Variants in SMARCD1 observed in about 807,000 individuals in gnomAD.
SMARCD1 encodes the protein SWI/SNF-related matrix-associated actin-dependent regulator of chromatin subfamily D member 1.
SMARCD1 carries 16 observed loss-of-function variants against 70.8 expected under a neutral mutation model. The ratio of observed to expected loss-of-function variants is 0.23; its 90% CI spans 0.15 to 0.34. The LOEUF is 0.34. Among genes scored for constraint, SMARCD1 ranks in the 10% least tolerant of loss-of-function variants. SMARCD1 has a pLI of 1.00. For synonymous variants in SMARCD1, 249 were observed against 246.0 expected, an observed-to-expected ratio of 1.01 and a Z score of -0.11; for missense variants, 409 against 655.5, an observed-to-expected ratio of 0.62 and a Z score of 4.11.
intron 5 of SMARCD1, chr12:50,088,184 T>C: frequency 1.4e-6 from 1 of 689,684 alleles, no homozygotes; most frequent in Non-Finnish European, 2.6e-6. Context: ...GCTTATTGCC[T>C]GTGATTCATT....
chr12:50,089,154 TAGC>T (rs1377406473), intron 6 of SMARCD1: 8 of 152,468 alleles, frequency 5.2e-5, no homozygotes, highest in African/African-American at 1.9e-4. Context: ...AAGCCCATGT[TAGC>T]AACAGTATTC....
intron 5 of SMARCD1, among the ~76,000 whole-genome samples, chr12:50,087,939 C>T (rs1241615285): frequency 6.6e-6 from 1 of 152,128 alleles, no homozygotes; most frequent in Non-Finnish European, 1.5e-5. Context: ...GGAGCATCAG[C>T]TGACAGGTGA....
rs533394455 is a variant in SMARCD1, at chr12:50,086,496, G to GGTGGTGGTGGTGGTGGTGGTA, written c.366-120_366-119insGGTGGTGGTGGTGGTAGTGGT. 1,431 of 1,139,282 alleles carry GGTGGTGGTGGTGGTGGTGGTA rather than the reference G, an allele frequency of 1.3e-3. 12 individuals are homozygous for GGTGGTGGTGGTGGTGGTGGTA. The African/African-American group carries it at 0.02, about 16-fold the overall frequency. The allele number at this position is 1,139,282 out of a possible 1,614,324, so 70.6% of individuals were successfully genotyped here. A position where few individuals can be genotyped will look rare whatever the true frequency, so the allele number is the denominator to read the frequency against. On this transcript the variant is annotated intron_variant, in intron 2 of 12. Coordinates refer to ENST00000394963, the MANE Select transcript of SMARCD1 (RefSeq NM_003076.5). ...GAGAATGCTTGGTGGTGGTGGTGGT[G>GGTGGTGGTGGTGGTGGTGGTA]GTGGTAGTTCTTTGAGAGAAGCTTT... is the stretch of plus-strand genomic sequence containing the variant.
At chr12:50,086,479 T>TTGGTGGTGGTAGTGGTGGTGA in intron 2 of SMARCD1, 131 bp downstream of exon 2, 1 of 780,056 alleles carries the variant, frequency 1.3e-6, no homozygotes, top group East Asian at 2.8e-5. Context: ...TTGAGAATGC[T>TTGGTGGTGGTAGTGGTGGTGA]TGGTGGTGGT....
chr12:50,096,774 T>G (rs1592294437), intron 10 of SMARCD1, 76 bp from the exon 11 acceptor site: 3 of 1,412,934 alleles, frequency 2.1e-6, no homozygotes, highest in Non-Finnish European at 2.9e-6. Flanking sequence ...GCATGTGGAG[T>G]TGTCAGGCAC....
rs1950931716 is a variant in SMARCD1 at position 50,100,539 on chromosome 12, G to C, written c.*1539G>C. On this transcript the variant is annotated 3_prime_UTR_variant, in exon 13 of 13. Coordinates refer to ENST00000394963, the MANE Select transcript of SMARCD1 (RefSeq NM_003076.5). ...CAGTACTTCCCACAGTGTCCCTGTT[G>C]ATAACTGTTTTTATTAACTGAATTG... 1 of 152,640 alleles carries C rather than the reference G, an allele frequency of 6.6e-6. No individual in the cohort carries two copies. The highest frequency in any genetic ancestry group is 2.4e-5 in the African/African-American group (1 of 41,456). 9.5% of individuals were successfully genotyped at this position (152,640 alleles called of 1,614,324 possible).
At chr12:50,094,357 C>A in intron 9 of SMARCD1, 80 bp from the exon 10 acceptor site, 1 of 1,411,644 alleles carries the variant, frequency 7.1e-7, no homozygotes, top group Non-Finnish European at 9.7e-7. Context: ...TTCTCTTCAT[C>A]CTGGGTCATC....
intron 9 of SMARCD1, among the ~76,000 whole-genome samples, chr12:50,092,140 C>T (rs895477390): frequency 3.2e-4 from 48 of 151,632 alleles, no homozygotes; most frequent in Admixed American, 7.9e-4. Flanking sequence ...CTCAAAGCAG[C>T]GTGTCTCTGT....
At chr12:50,090,950 G>A (rs1480634869) in intron 9 of SMARCD1, among the ~76,000 whole-genome samples, 2 of 146,136 alleles carry the variant, frequency 1.4e-5, no homozygotes, top group Non-Finnish European at 3.0e-5. Flanking sequence ...TCAGCCTCCC[G>A]AGTAGCCGGG....
chr12:50,096,943 TG>T lies in SMARCD1; in HGVS notation c.1365del (p.Trp455CysfsTer12). The T allele has an allele frequency of 6.2e-7, 1 of 1,614,048 alleles. No individual in the cohort carries two copies. The highest frequency in any genetic ancestry group is 8.5e-7 in the Non-Finnish European group (1 of 1,179,940). On this transcript the variant is annotated frameshift_variant, in exon 11 of 13. Transcript: ENST00000394963. LOFTEE classifies it high-confidence loss of function. ...AGACCCTCAGGGTTTCATCAATGAC[TG>T]GCTTCAGTCCCAGTGCAGGGACCTC... ...ARDPQGFINDWLQSQCRDLKT... is the reference protein window; with the variant it reads ...ARDPQGFINDXLQSQCRDLKT...
intron 10 of SMARCD1, among the ~76,000 whole-genome samples, chr12:50,095,473 C>T (rs958687403): frequency 6.6e-6 from 1 of 152,112 alleles, no homozygotes; most frequent in Non-Finnish European, 1.5e-5. Flanking sequence ...ACTACAGGCA[C>T]CTGCCACTAC....
At position 50,099,393 on chromosome 12, in the gene SMARCD1, C is replaced by T. The variant is rs544534477; in HGVS notation, c.*393C>T. 6.6e-6 allele frequency: 3 copies of T among 456,980 alleles called. No homozygotes were observed. The highest frequency in any genetic ancestry group is 1.2e-5 in the Non-Finnish European group (3 of 260,116). The allele number at this position is 456,980 out of a possible 1,614,324, so 28.3% of individuals were successfully genotyped here. A position where few individuals can be genotyped will look rare whatever the true frequency, so the allele number is the denominator to read the frequency against. ...GACCCAGGAGTTGGGAGCTTTCGCTCCTTCTCCAAGACTCAGGCCTGTGGG... is the reference window on the plus strand; with the variant it reads ...GACCCAGGAGTTGGGAGCTTTCGCTTCTTCTCCAAGACTCAGGCCTGTGGG... On this transcript the variant is annotated 3_prime_UTR_variant, in exon 13 of 13. Coordinates refer to ENST00000394963, the MANE Select transcript of SMARCD1 (RefSeq NM_003076.5).
intron 10 of SMARCD1, among the ~76,000 whole-genome samples, chr12:50,096,286 G>A (rs1438495048): frequency 3.3e-5 from 5 of 152,184 alleles, no homozygotes; most frequent in Non-Finnish European, 7.3e-5. Context: ...ACTGGGAAGA[G>A]GGGAGGAGGA....
chr12:50,088,236 G>C (rs1950809532), intron 5 of SMARCD1: 1 of 701,818 alleles, frequency 1.4e-6, no homozygotes, highest in African/African-American at 1.7e-5. Flanking sequence ...AACTCGCTTA[G>C]TTATGTGCAA....
chr12:50,089,836 C>A, intron 6 of SMARCD1, 48 bp from the exon 7 acceptor site: 1 of 1,358,558 alleles, frequency 7.4e-7, no homozygotes, highest in Non-Finnish European at 1.1e-6. Context: ...CCCTCCCACC[C>A]CAGCTCTTCC....
chr12:50,087,336 G>A (rs776341986), intron 4 of SMARCD1, 27 bp from the exon 5 acceptor site: 39 of 1,611,162 alleles, frequency 2.4e-5, no homozygotes, highest in African/African-American at 4.0e-5. Flanking sequence ...GAAGCCCCAC[G>A]ATCAATCCTG....
In SMARCD1 at chr12:50,094,553, T is replaced by G; in HGVS notation, c.1250T>G (p.Ile417Ser). 2.5e-6 allele frequency: 4 copies of G among 1,614,114 alleles called. No homozygotes were observed. Among genetic ancestry groups the G allele is most frequent in the Non-Finnish European group, 3.4e-6 (4 of 1,180,000 alleles). Reference protein sequence around the residue: ...FLLSTASQQEIATLDNKIHET... With the variant: ...FLLSTASQQESATLDNKIHET... The stretch of plus-strand genomic sequence containing the variant: ...CTGTCCACTGCCAGCCAACAGGAGA[T>G]TGCTACTCTAGACAACAAGGTAGGG... The change falls in exon 10 of 13, where the codon ATT (isoleucine) becomes AGT (serine). Residue 417 changes from isoleucine to serine, a missense_variant. Transcript: ENST00000394963.
At chr12:50,095,862 A>C (rs914900058) in intron 10 of SMARCD1, among the ~76,000 whole-genome samples, 3 of 152,246 alleles carry the variant, frequency 2.0e-5, no homozygotes, top group African/African-American at 7.2e-5. Context: ...AGGGAGCCAG[A>C]TGCCTAATTA....
At chr12:50,097,460 G>A (rs1336776738) in intron 11 of SMARCD1, among the ~76,000 whole-genome samples, 1 of 152,162 alleles carries the variant, frequency 6.6e-6, no homozygotes, top group African/African-American at 2.4e-5. Flanking sequence ...GCTAAGGCAG[G>A]AGAATTGCTT....
Sources: gnomAD v4.1 joint callset for allele counts (sites outside exome capture counted in the v4.1 genomes callset) on GRCh38, gnomAD v4.1.1 for gene constraint, MANE v1.5 for transcripts, NCBI Gene and HGNC (gene_info 2026-07-23, HGNC 2026-07-21) for gene names.